Variants in JAZF1 observed in about 807,000 individuals in gnomAD.
JAZF1 encodes the protein JAZF zinc finger 1, also known as juxtaposed with another zinc finger protein 1.
Under a neutral mutation model 26.4 loss-of-function variants are expected in JAZF1, and 8 were observed. The observed-to-expected ratio is 0.30, with a 90% CI of 0.18 to 0.55. JAZF1 has a LOEUF of 0.55. JAZF1 is among the 20% of genes least tolerant of loss of function. The pLI, the probability that JAZF1 is intolerant of heterozygous loss-of-function variation, is 0.94. For missense variants in JAZF1, 199 were observed against 322.0 expected, an observed-to-expected ratio of 0.62 and a Z score of 2.92; for synonymous variants, 126 against 122.3, an observed-to-expected ratio of 1.03 and a Z score of -0.20.
chr7:27,956,536 A>G (rs1451756210), intron 2 of JAZF1, among the ~76,000 whole-genome samples: 1 of 152,164 alleles, frequency 6.6e-6, no homozygotes, highest in Admixed American at 6.5e-5. Context: ...TGGAATCTTC[A>G]TTTATTGTTC....
At chr7:27,837,347 T>C (rs965234928) in intron 4 of JAZF1, among the ~76,000 whole-genome samples, 3 of 152,218 alleles carry the variant, frequency 2.0e-5, no homozygotes, top group Non-Finnish European at 4.4e-5. Flanking sequence ...GCTCAGTGGT[T>C]GTGGCCTGGA....
chr7:28,050,399 T>C (rs569796446), intron 1 of JAZF1, among the ~76,000 whole-genome samples: 1 of 152,196 alleles, frequency 6.6e-6, no homozygotes, highest in South Asian at 2.1e-4. Flanking sequence ...GAAAATGTCC[T>C]GATTTTAGAC....
chr7:27,974,628 G>A (rs1785436065), intron 2 of JAZF1, among the ~76,000 whole-genome samples: 6 of 152,170 alleles, frequency 3.9e-5, no homozygotes, highest in Admixed American at 3.9e-4. Flanking sequence ...CGTCCACTAA[G>A]TAGAGAGGCA....
At chr7:28,008,659 G>C (rs1241826216) in intron 1 of JAZF1, among the ~76,000 whole-genome samples, 2 of 152,186 alleles carry the variant, frequency 1.3e-5, no homozygotes, top group Non-Finnish European at 2.9e-5. Context: ...TTTGCATAAA[G>C]AACTTAGATT....
intron 1 of JAZF1, among the ~76,000 whole-genome samples, chr7:28,048,109 G>C (rs1474281385): frequency 6.6e-6 from 1 of 152,172 alleles, no homozygotes; most frequent in Non-Finnish European, 1.5e-5. Flanking sequence ...TGGATGGACA[G>C]ACAGAAGAAA....
intron 1 of JAZF1, among the ~76,000 whole-genome samples, chr7:28,151,197 G>A (rs935163734): frequency 2.0e-5 from 3 of 151,412 alleles, no homozygotes; most frequent in Non-Finnish European, 2.9e-5. Context: ...TCCACCTCCC[G>A]GGTTCAAGTG....
intron 1 of JAZF1, among the ~76,000 whole-genome samples, chr7:28,149,046 G>C (rs1783069423): frequency 6.6e-6 from 1 of 152,164 alleles, no homozygotes; most frequent in African/African-American, 2.4e-5. Flanking sequence ...AAGTCAAGTA[G>C]AGCAAAAATA....
intron 3 of JAZF1, among the ~76,000 whole-genome samples, chr7:27,869,594 C>CA (rs1361086328): frequency 6.6e-6 from 1 of 152,122 alleles, no homozygotes; most frequent in Non-Finnish European, 1.5e-5. Context: ...GTGGTGATCC[C>CA]ATGCAGGAAC....
chr7:28,038,822 A>C (rs925601312), intron 1 of JAZF1, among the ~76,000 whole-genome samples: 1 of 152,236 alleles, frequency 6.6e-6, no homozygotes, highest in Non-Finnish European at 1.5e-5. Flanking sequence ...TTTGCTGAAC[A>C]TATCGGTAGT....
At chr7:28,134,466 CTTTT>C (rs11301719) in intron 1 of JAZF1, among the ~76,000 whole-genome samples, 6 of 133,164 alleles carry the variant, frequency 4.5e-5, no homozygotes, top group African/African-American at 1.7e-4. Flanking sequence ...GCATGCCTAG[CTTTT>C]TTTTTTTTTT....
intron 1 of JAZF1, among the ~76,000 whole-genome samples, chr7:28,155,870 G>A (rs1174825016): frequency 6.6e-6 from 1 of 152,220 alleles, no homozygotes; most frequent in Admixed American, 6.5e-5. Flanking sequence ...AGATGATCTT[G>A]TGCAAATTAA....
chr7:27,894,120 C>G (rs1246306128), intron 3 of JAZF1, among the ~76,000 whole-genome samples: 1 of 152,136 alleles, frequency 6.6e-6, no homozygotes, highest in Non-Finnish European at 1.5e-5. Context: ...TGTTTGGCCC[C>G]TAGAATGCCA....
At chr7:27,910,672 C>T (rs749326265) in intron 2 of JAZF1, among the ~76,000 whole-genome samples, 3 of 152,136 alleles carry the variant, frequency 2.0e-5, no homozygotes, top group Non-Finnish European at 4.4e-5. Flanking sequence ...GGATTGCAGC[C>T]GGGATATAAA....
At chr7:28,160,383 G>A (rs1222191603) in intron 1 of JAZF1, among the ~76,000 whole-genome samples, 1 of 151,672 alleles carries the variant, frequency 6.6e-6, no homozygotes, top group African/African-American at 2.4e-5. Context: ...TTTCTTTGTT[G>A]TCTACCTGTG....
intron 1 of JAZF1, among the ~76,000 whole-genome samples, chr7:28,036,182 C>T (rs1783289817): frequency 6.6e-6 from 1 of 152,200 alleles, no homozygotes; most frequent in Non-Finnish European, 1.5e-5. Context: ...CCCAACCAGT[C>T]ATTTTAACAT....
At chr7:27,848,171 C>T (rs1188850491) in intron 3 of JAZF1, among the ~76,000 whole-genome samples, 1 of 152,140 alleles carries the variant, frequency 6.6e-6, no homozygotes, top group Non-Finnish European at 1.5e-5. Flanking sequence ...ATTTTAAGAA[C>T]ATTCATTCTT....
chr7:27,970,349 T>C (rs572521101), intron 2 of JAZF1, among the ~76,000 whole-genome samples: 2 of 152,342 alleles, frequency 1.3e-5, no homozygotes, highest in South Asian at 4.1e-4. Flanking sequence ...AGAACTGTGA[T>C]GACACCTTAC....
At chr7:28,096,407 T>C (rs1399678661) in intron 1 of JAZF1, among the ~76,000 whole-genome samples, 1 of 152,250 alleles carries the variant, frequency 6.6e-6, no homozygotes, top group African/African-American at 2.4e-5. Context: ...ACCTTTCCCT[T>C]GTCATAAAAA....
At chr7:28,172,292 A>G (rs1442420308) in intron 1 of JAZF1, among the ~76,000 whole-genome samples, 1 of 152,226 alleles carries the variant, frequency 6.6e-6, no homozygotes, top group Non-Finnish European at 1.5e-5. Context: ...ATTGGCAATG[A>G]CATATACATT....
Sources: gnomAD v4.1 joint callset for allele counts (sites outside exome capture counted in the v4.1 genomes callset) on GRCh38, gnomAD v4.1.1 for gene constraint, MANE v1.5 for transcripts, NCBI Gene and HGNC (gene_info 2026-07-23, HGNC 2026-07-21) for gene names.